HEATR5B: variants seen among roughly 807,000 people sequenced by gnomAD.
HEATR5B encodes HEAT repeat containing 5B.
HEATR5B carries 156 observed loss-of-function variants against 224.1 expected under a neutral mutation model. The ratio of observed to expected loss-of-function variants is 0.70; its 90% CI spans 0.61 to 0.80. HEATR5B has a LOEUF of 0.80. Ranked by LOEUF, HEATR5B falls within the 30% of genes least tolerant of loss-of-function variation. HEATR5B has a pLI of 0.00. For synonymous variants in HEATR5B, 1,027 were observed against 893.0 expected (o/e 1.15, Z -2.68); for missense variants, 2,323 against 2,535.5 (o/e 0.92, Z 1.80).
At chr2:37,034,104 A>G (rs1035986343) in intron 21 of HEATR5B, among the ~76,000 whole-genome samples, 3 of 151,808 alleles carry the variant, frequency 2.0e-5, no homozygotes, top group East Asian at 2.0e-4. Context: ...ATACTTGCAT[A>G]AAATTCATAG....
intron 16 of HEATR5B, among the ~76,000 whole-genome samples, chr2:37,054,187 TC>T (rs1670739473): frequency 1.6e-5 from 2 of 123,378 alleles, no homozygotes; most frequent in Admixed American, 1.7e-4. Context: ...TTAGATGATT[TC>T]TCTGTTTTTT....
intron 2 of HEATR5B, among the ~76,000 whole-genome samples, chr2:37,081,399 C>T (rs1672560864): frequency 6.6e-6 from 1 of 151,978 alleles, no homozygotes; most frequent in Admixed American, 6.6e-5. Flanking sequence ...AGGGTAGCAA[C>T]AACAACAGGA....
In HEATR5B at chr2:37,058,506, C is replaced by T; in HGVS notation, c.2004G>A (p.Met668Ile). 1 of 1,613,410 alleles carries T rather than the reference C, an allele frequency of 6.2e-7. No individual in the cohort carries two copies. Among genetic ancestry groups the T allele is most frequent in the Non-Finnish European group, 8.5e-7 (1 of 1,179,446 alleles). Reference protein sequence around the residue: ...HGAHLKASAAMVRLRLYDILA... With the variant: ...HGAHLKASAAIVRLRLYDILA... ...AGATATCATAAAGTCTTAAACGGAC[C>T]ATTGCAGCACTAGCTTTCAGATGAG... is the stretch of plus-strand genomic sequence containing the variant. The change falls in exon 14 of 36, where the codon ATG (methionine) becomes ATA (isoleucine). Residue 668 changes from methionine (M) to isoleucine (I), a missense_variant. Coordinates refer to ENST00000233099, the MANE Select transcript of HEATR5B (RefSeq NM_019024.3).
chr2:37,040,612 AT>A, intron 19 of HEATR5B, 94 bp from the exon 20 acceptor site: 3 of 853,410 alleles, frequency 3.5e-6, no homozygotes, highest in Non-Finnish European at 3.5e-6. Context: ...TACTCTTAAT[AT>A]TTTTAGGCCT....
chr2:36,986,614 A>G (rs543931554), intron 35 of HEATR5B, among the ~76,000 whole-genome samples: 9 of 152,110 alleles, frequency 5.9e-5, no homozygotes, highest in Non-Finnish European at 1.3e-4. Flanking sequence ...ATATAGATTA[A>G]AAGTCTTTTT....
chr2:37,065,694 C>A, intron 9 of HEATR5B, 61 bp downstream of exon 9: 2 of 1,390,040 alleles, frequency 1.4e-6, no homozygotes, highest in South Asian at 1.3e-5. Context: ...AATTAAATAT[C>A]AATCACACTT....
chr2:36,984,217 T>A (rs77287862), intron 35 of HEATR5B, among the ~76,000 whole-genome samples: 13,008 of 62,356 alleles, frequency 0.21, 2,152 homozygotes, highest in Non-Finnish European at 0.23. Flanking sequence ...AAAAAAAAAA[T>A]ATATATATAT....
At chr2:37,040,898 T>C (rs1669831181) in intron 19 of HEATR5B, 1 of 479,096 alleles carries the variant, frequency 2.1e-6, no homozygotes, top group East Asian at 3.3e-5. Context: ...CACAGAATAA[T>C]ACACAATAAA....
At chr2:37,036,853 G>A (rs959632200) in intron 21 of HEATR5B, among the ~76,000 whole-genome samples, 2 of 151,784 alleles carry the variant, frequency 1.3e-5, no homozygotes, top group Non-Finnish European at 2.9e-5. Context: ...TGAATGTCAG[G>A]ATTATGATAG....
At chr2:37,021,809 C>G (rs1231994774) in intron 24 of HEATR5B, among the ~76,000 whole-genome samples, 1 of 151,134 alleles carries the variant, frequency 6.6e-6, no homozygotes, top group African/African-American at 2.4e-5. Context: ...ATCCTTTGAA[C>G]CTGGGAGGTC....
intron 24 of HEATR5B, among the ~76,000 whole-genome samples, chr2:37,022,766 A>G (rs906225585): frequency 5.3e-5 from 8 of 152,240 alleles, no homozygotes; most frequent in African/African-American, 1.7e-4. Context: ...CTGGATCTGT[A>G]TGAACAAAGT....
chr2:37,019,957 G>A (rs1668366275), intron 25 of HEATR5B, 80 bp from the exon 26 acceptor site: 3 of 971,782 alleles, frequency 3.1e-6, no homozygotes, highest in Non-Finnish European at 4.7e-6. Context: ...AGGCTGGAGT[G>A]CAGTGGTGCG....
At chr2:37,009,760 C>T (rs1423205269) in intron 27 of HEATR5B, among the ~76,000 whole-genome samples, 9 of 150,174 alleles carry the variant, frequency 6.0e-5, no homozygotes, top group African/African-American at 2.2e-4. Flanking sequence ...TTCTACTTTA[C>T]AAAGCACCCC....
intron 22 of HEATR5B, among the ~76,000 whole-genome samples, chr2:37,032,033 A>G (rs1669166004): frequency 6.6e-6 from 1 of 152,180 alleles, no homozygotes; most frequent in Non-Finnish European, 1.5e-5. Flanking sequence ...GCTACCAAAC[A>G]TCTACTGACA....
At chr2:37,014,047 T>A in intron 26 of HEATR5B, 27 bp from the exon 27 acceptor site, 1 of 1,396,818 alleles carries the variant, frequency 7.2e-7, no homozygotes. Context: ...CAAAAACTTT[T>A]GTGTAAAAAA....
chr2:37,058,647 A>G (rs991758650), intron 13 of HEATR5B, 87 bp from the exon 14 acceptor site: 3 of 864,344 alleles, frequency 3.5e-6, no homozygotes, highest in African/African-American at 1.7e-5. Flanking sequence ...ATGTACTGCC[A>G]AACTACACTG....
chr2:37,014,109 A>G (rs955532959), intron 26 of HEATR5B, 89 bp from the exon 27 acceptor site: 1 of 658,866 alleles, frequency 1.5e-6, no homozygotes, highest in African/African-American at 1.9e-5. Context: ...CTAGAAGATA[A>G]AACACAAAAC....
Position 37,040,457 on chromosome 2 carries a change from T to C in HEATR5B, c.2918A>G (p.Tyr973Cys), listed in dbSNP as rs745372745. Reference sequence around the variant, plus strand: ...AACTAGAGATAATGTTGGTTCCACATAGCCACGATACATCGGACCACTAGA... The same window carrying C: ...AACTAGAGATAATGTTGGTTCCACACAGCCACGATACATCGGACCACTAGA... Reference protein sequence around the residue: ...VDSSGPMYRGYVEPTLSLVLT... With the variant: ...VDSSGPMYRGCVEPTLSLVLT... The change falls in exon 20 of 36, where the codon TAT (tyrosine) becomes TGT (cysteine). Residue 973 changes from tyrosine to cysteine, a missense_variant. Tyr to Cys is a radical substitution (Grantham distance 194). Transcript: ENST00000233099. The C allele has an allele frequency of 9.3e-6, 15 of 1,613,780 alleles. No homozygotes were observed. The Admixed American group carries it at 2.2e-4, about 23-fold the overall frequency.
chr2:37,065,564 C>T (rs777460004), intron 9 of HEATR5B, among the ~76,000 whole-genome samples, 191 bp downstream of exon 9: 1 of 152,128 alleles, frequency 6.6e-6, no homozygotes, highest in African/African-American at 2.4e-5. Flanking sequence ...CCACCAGGGC[C>T]TCCCAAAGTG....
Sources: gnomAD v4.1 joint callset for allele counts (sites outside exome capture counted in the v4.1 genomes callset) on GRCh38, gnomAD v4.1.1 for gene constraint, MANE v1.5 for transcripts, NCBI Gene and HGNC (gene_info 2026-07-23, HGNC 2026-07-21) for gene names.